Variants in KDM2B observed in about 807,000 individuals in gnomAD.
The protein encoded by KDM2B is lysine demethylase 2B, also known as lysine-specific demethylase 2B.
In KDM2B, 26 loss-of-function variants were observed where a neutral mutation model predicts 150.0. The ratio of observed to expected loss-of-function variants is 0.17; its 90% CI spans 0.13 to 0.24. The LOEUF is 0.24. KDM2B is among the 10% of genes least tolerant of loss of function. KDM2B has a pLI of 1.00. For synonymous variants in KDM2B, 734 were observed against 729.5 expected (o/e 1.01, Z -0.10); for missense variants, 1,265 against 1,816.9 (o/e 0.70, Z 5.52).
Position 121,442,741 on chromosome 12 carries a change from C to T in KDM2B, c.2700G>A (p.Ala900=), listed in dbSNP as rs952412565. 3 of 1,556,548 alleles carry T rather than the reference C, an allele frequency of 1.9e-6. No homozygotes were observed. Among genetic ancestry groups the T allele is most frequent in the Non-Finnish European group, 1.7e-6 (2 of 1,156,328 alleles). Residue 900 remains alanine, a synonymous_variant, in exon 19 of 23, where the codon GCG becomes GCA. Coordinates refer to ENST00000377071, the MANE Select transcript of KDM2B (RefSeq NM_032590.5). This position sits in a 1 kb window ranked among gnomAD's most constrained non-coding sequence, Gnocchi z 7.7. ...GGTCGCTCTCCCTGGTCTTGGGGGGCGCCTCGGGCAGTTCGTCCTCGGGTT... is the reference window on the plus strand; with the variant it reads ...GGTCGCTCTCCCTGGTCTTGGGGGGTGCCTCGGGCAGTTCGTCCTCGGGTT... ...KQEPEDELPE[A]PPKTRESDHS...
At chr12:121,423,697 C>G in the KDM2B span, 2 of 845,410 alleles carry the variant, frequency 2.4e-6, no homozygotes, top group Admixed American at 5.3e-5. This position sits in a 1 kb window ranked among gnomAD's most constrained non-coding sequence, Gnocchi z 4.3. Context: ...ATTTTGACTA[C>G]TAAGTGGGGA....
chr12:121,554,113 G>A (rs1042453512), intron 4 of KDM2B, among the ~76,000 whole-genome samples: 51 of 147,488 alleles, frequency 3.5e-4, no homozygotes, highest in African/African-American at 1.2e-3. Context: ...GACCCACACC[G>A]GTGGTCCCAG....
intron 21 of KDM2B, chr12:121,440,525 G>T (rs530031335): frequency 1.9e-4 from 80 of 428,466 alleles, no homozygotes; most frequent in African/African-American, 1.5e-3. Flanking sequence ...TGCACGCAGA[G>T]CCCCATGAGC....
At chr12:121,426,049 C>G (rs960485200), downstream of KDM2B, among the ~76,000 whole-genome samples, 1 of 152,166 alleles carries the variant, frequency 6.6e-6, no homozygotes, top group Admixed American at 6.5e-5. Context: ...TGATGAGACT[C>G]TGGAAATCTT....
At chr12:121,560,920 A>G (rs1439345415) in intron 4 of KDM2B, among the ~76,000 whole-genome samples, 4 of 152,034 alleles carry the variant, frequency 2.6e-5, no homozygotes, top group African/African-American at 7.2e-5. Flanking sequence ...GCGTCCCTTC[A>G]GACCTGCAAG....
chr12:121,561,008 G>A (rs1555313760), intron 4 of KDM2B, among the ~76,000 whole-genome samples: 1 of 152,194 alleles, frequency 6.6e-6, no homozygotes. Context: ...GGCAGTGCCT[G>A]GAGTTCCTAG....
intron 10 of KDM2B, 21 bp from the exon 11 acceptor site, chr12:121,510,060 G>T (rs782001535): frequency 7.2e-6 from 11 of 1,519,860 alleles, no homozygotes; most frequent in Non-Finnish European, 9.7e-6. Flanking sequence ...AGGGTCACAA[G>T]AAAGACCGAG....
Position 121,534,593 on chromosome 12 carries a change from G to T in KDM2B, c.684-3C>A. On this transcript the variant is annotated splice_region_variant and splice_polypyrimidine_tract_variant and intron_variant, in intron 6 of 22. Coordinates refer to ENST00000377071, the MANE Select transcript of KDM2B (RefSeq NM_032590.5). ...CTTTCACGCTCATCAGACAGTACCT[G>T]CAACACAGAGGCAGGGAGACAGAAC... The T allele has an allele frequency of 6.2e-7, 1 of 1,610,062 alleles. No homozygotes were observed. The highest frequency in any genetic ancestry group is 8.5e-7 in the Non-Finnish European group (1 of 1,176,292).
At chr12:121,578,026 A>G (rs1555317112) in intron 2 of KDM2B, among the ~76,000 whole-genome samples, 1 of 152,190 alleles carries the variant, frequency 6.6e-6, no homozygotes, top group Non-Finnish European at 1.5e-5. Context: ...GTGGGCCCAC[A>G]AGGAACAGAG....
At chr12:121,479,766 C>T (rs562940725) in intron 12 of KDM2B, among the ~76,000 whole-genome samples, 7 of 151,076 alleles carry the variant, frequency 4.6e-5, no homozygotes, top group African/African-American at 1.5e-4. Flanking sequence ...GGATTACAGG[C>T]ACGTGCCACC....
At chr12:121,578,133 CT>C (rs1398257610) in intron 2 of KDM2B, among the ~76,000 whole-genome samples, 1 of 152,236 alleles carries the variant, frequency 6.6e-6, no homozygotes, top group Non-Finnish European at 1.5e-5. Context: ...AAGTCACCCC[CT>C]GACCCCAATT....
At chr12:121,425,421 TCAGTGCAGCTGG>T (rs1872466232), downstream of KDM2B, among the ~76,000 whole-genome samples, 1 of 152,190 alleles carries the variant, frequency 6.6e-6, no homozygotes, top group Admixed American at 6.5e-5. Context: ...AACTGTCATT[TCAGTGCAGCTGG>T]GAGTGGCCAC....
chr12:121,433,434 G>A (rs1186967803), intron 22 of KDM2B, among the ~76,000 whole-genome samples: 2 of 152,160 alleles, frequency 1.3e-5, no homozygotes, highest in Non-Finnish European at 2.9e-5. Context: ...TGCCCAGGCT[G>A]GTCTAGGACA....
chr12:121,529,003 C>G (rs1887400564), intron 8 of KDM2B, among the ~76,000 whole-genome samples: 1 of 152,156 alleles, frequency 6.6e-6, no homozygotes, highest in African/African-American at 2.4e-5. Flanking sequence ...GCCAGTATCA[C>G]CCTAATACCC....
the KDM2B span, chr12:121,420,783 G>A: frequency 6.2e-7 from 1 of 1,605,100 alleles, no homozygotes; most frequent in Admixed American, 1.7e-5. Context: ...AGTCCTGTAG[G>A]TTTATCTTTT....
chr12:121,541,377 C>T (rs1888594707), intron 6 of KDM2B, among the ~76,000 whole-genome samples: 1 of 107,806 alleles, frequency 9.3e-6, no homozygotes, highest in South Asian at 3.3e-4. Context: ...GCCTTGGCAA[C>T]AGAGACAGCC....
chr12:121,466,972 C>T (rs1880078950), intron 12 of KDM2B, among the ~76,000 whole-genome samples: 1 of 148,462 alleles, frequency 6.7e-6, no homozygotes, highest in Admixed American at 6.7e-5. Flanking sequence ...CCCGGGCCGG[C>T]TGCGGGCCTG....
chr12:121,443,890 A>T, intron 16 of KDM2B, 97 bp from the exon 17 acceptor site: 1 of 1,428,138 alleles, frequency 7.0e-7, no homozygotes, highest in South Asian at 1.3e-5. Flanking sequence ...TGCTCAGGGC[A>T]GCAAGAGGCC....
At chr12:121,477,542 C>T (rs1881517189) in intron 12 of KDM2B, among the ~76,000 whole-genome samples, 1 of 150,716 alleles carries the variant, frequency 6.6e-6, no homozygotes, top group Non-Finnish European at 1.5e-5. Flanking sequence ...TGCCACCATG[C>T]CCAGCTAATT....
Sources: allele counts gnomAD v4.1 joint callset (sites outside exome capture counted in the v4.1 genomes callset), GRCh38; gene constraint gnomAD v4.1.1; non-coding constraint Gnocchi (gnomAD v3.1); transcripts MANE v1.5; gene names NCBI Gene and HGNC (gene_info 2026-07-23, HGNC 2026-07-21).